The following HMGCLL1 variants were observed in gnomAD, a reference collection of about 807,000 sequenced individuals.
HMGCLL1 encodes 3-hydroxymethyl-3-methylglutaryl-CoA lyase, cytoplasmic.
Under a neutral mutation model 39.1 loss-of-function variants are expected in HMGCLL1, and 36 were observed. The observed-to-expected ratio is 0.92, with a 90% CI of 0.71 to 1.22. HMGCLL1 has a LOEUF of 1.22. HMGCLL1 is among the 50% of genes most tolerant of loss of function. The probability of loss-of-function intolerance (pLI) is 0.00; values close to 1 mark genes in which losing one functional copy is unlikely to be tolerated. For synonymous variants in HMGCLL1, 149 were observed against 144.0 expected (o/e 1.03, Z -0.25); for missense variants, 451 against 416.5 (o/e 1.08, Z -0.72).
chr6:55,485,493 G>A (rs1322328608), intron 7 of HMGCLL1, among the ~76,000 whole-genome samples: 1 of 151,858 alleles, frequency 6.6e-6, no homozygotes, highest in Non-Finnish European at 1.5e-5. Flanking sequence ...AAGTACATAT[G>A]CATTAAAACA....
At chr6:55,624,745 G>C in the HMGCLL1 span, among the ~76,000 whole-genome samples, 1 of 152,140 alleles carries the variant, frequency 6.6e-6, no homozygotes, top group African/African-American at 2.4e-5. Context: ...GTCCAGTGGT[G>C]TGGGGCCTGT....
chr6:55,591,896 A>G, the HMGCLL1 span, among the ~76,000 whole-genome samples: 12 of 152,146 alleles, frequency 7.9e-5, no homozygotes, highest in African/African-American at 2.4e-4. Flanking sequence ...GTATTATTCA[A>G]TGACCTATAT....
chr6:55,614,160 T>C, the HMGCLL1 span, among the ~76,000 whole-genome samples: 1 of 152,150 alleles, frequency 6.6e-6, no homozygotes, highest in Non-Finnish European at 1.5e-5. Flanking sequence ...GCATTAAAAA[T>C]GACCATAGGA....
chr6:55,661,407 G>A, the HMGCLL1 span, among the ~76,000 whole-genome samples: 1 of 151,838 alleles, frequency 6.6e-6, no homozygotes, highest in African/African-American at 2.4e-5. Context: ...TGTAAAGAAG[G>A]GGTACAGTTT....
At chr6:55,601,902 A>G in the HMGCLL1 span, among the ~76,000 whole-genome samples, 1 of 152,114 alleles carries the variant, frequency 6.6e-6, no homozygotes, top group Non-Finnish European at 1.5e-5. Flanking sequence ...TCTATTTTTT[A>G]GAAATTACTT....
At chr6:55,469,376 CATAT>C (rs1561898838) in intron 7 of HMGCLL1, among the ~76,000 whole-genome samples, 1 of 146,134 alleles carries the variant, frequency 6.8e-6, no homozygotes, top group African/African-American at 2.5e-5. Flanking sequence ...TGTACACATA[CATAT>C]ATACACATAT....
At position 55,579,183 on chromosome 6, in the gene HMGCLL1, G is replaced by A. The variant is rs1386637948; in HGVS notation, c.-128C>T. The A allele has an allele frequency of 8.5e-6, 6 of 704,204 alleles. No homozygotes were observed. The highest frequency in any genetic ancestry group is 1.5e-5 in the Non-Finnish European group (6 of 413,592). 43.6% of individuals were successfully genotyped at this position (704,204 alleles called of 1,614,324 possible). A position where few individuals can be genotyped will look rare whatever the true frequency, so the allele number is the denominator to read the frequency against. On this transcript the variant is annotated 5_prime_UTR_variant, in exon 1 of 9. Transcript: ENST00000274901. ...CGGTGCACTGGCTGTGAGGACCAGA[G>A]CTGTTCTGCGCACTGCGGCGGCGCC... is the stretch of plus-strand genomic sequence containing the variant.
chr6:55,563,789 G>C, intron 1 of HMGCLL1: 1 of 900,476 alleles, frequency 1.1e-6, no homozygotes, highest in Non-Finnish European at 1.6e-6. Context: ...CAAACAGTTT[G>C]AGAAGTTGTT....
chr6:55,562,021 A>T (rs921736795), intron 1 of HMGCLL1, among the ~76,000 whole-genome samples: 7 of 152,096 alleles, frequency 4.6e-5, no homozygotes, highest in African/African-American at 1.7e-4. Flanking sequence ...ATAATAAACC[A>T]CAGTGGTTGA....
chr6:55,545,882 C>T (rs1259881892), intron 1 of HMGCLL1, among the ~76,000 whole-genome samples: 1 of 151,970 alleles, frequency 6.6e-6, no homozygotes, highest in Non-Finnish European at 1.5e-5. Flanking sequence ...ACATAGTCAA[C>T]AAGTATGAAA....
intron 3 of HMGCLL1, among the ~76,000 whole-genome samples, chr6:55,540,314 C>A (rs528679380): frequency 6.6e-6 from 1 of 152,098 alleles, no homozygotes; most frequent in East Asian, 1.9e-4. Context: ...AATGTTTGCA[C>A]CTCCTCAAAA....
At chr6:55,475,762 A>G (rs1395222220) in intron 7 of HMGCLL1, among the ~76,000 whole-genome samples, 2 of 151,802 alleles carry the variant, frequency 1.3e-5, no homozygotes, top group South Asian at 2.1e-4. Context: ...TTCTATAGTT[A>G]GACTTATAAT....
At chr6:55,556,497 G>A (rs1035997388) in intron 1 of HMGCLL1, among the ~76,000 whole-genome samples, 3 of 152,174 alleles carry the variant, frequency 2.0e-5, no homozygotes, top group Non-Finnish European at 4.4e-5. Context: ...GTGTTAGATG[G>A]AGAAGAGTGA....
chr6:55,571,702 G>C (rs951578362), intron 1 of HMGCLL1, among the ~76,000 whole-genome samples: 17 of 151,994 alleles, frequency 1.1e-4, no homozygotes, highest in Non-Finnish European at 1.9e-4. Context: ...CCAGCTACTC[G>C]GGAGGCTGAG....
At position 55,541,794 on chromosome 6, in the gene HMGCLL1, G is replaced by T; in HGVS notation, c.232C>A (p.Leu78Ile). 2 of 1,609,060 alleles carry T rather than the reference G, an allele frequency of 1.2e-6. No individual in the cohort carries two copies. Among genetic ancestry groups the T allele is most frequent in the Non-Finnish European group, 1.7e-6 (2 of 1,177,106 alleles). Reference sequence around the variant, plus strand: ...ATTACAGACAAGCCAGTTTGGGAAAGTCGATTGATAAATTCAATTTTTATA... The same window carrying T: ...ATTACAGACAAGCCAGTTTGGGAAATTCGATTGATAAATTCAATTTTTATA... Reference protein sequence around the residue: ...TDIKIEFINRLSQTGLSVIEV... With the variant: ...TDIKIEFINRISQTGLSVIEV... Residue 78 changes from leucine (L) to isoleucine (I), a missense_variant, in exon 3 of 9, where the codon CTT becomes ATT. Transcript: ENST00000274901.
intron 1 of HMGCLL1, among the ~76,000 whole-genome samples, chr6:55,551,011 G>A (rs142095292): frequency 6.8e-6 from 1 of 146,286 alleles, no homozygotes; most frequent in Admixed American, 6.9e-5. Flanking sequence ...ATGATCCCTT[G>A]CCTAGTCTAT....
chr6:55,644,107 G>T, the HMGCLL1 span, among the ~76,000 whole-genome samples: 1 of 152,012 alleles, frequency 6.6e-6, no homozygotes, highest in Non-Finnish European at 1.5e-5. Context: ...TTTAAGTGGG[G>T]TGAGATGATT....
chr6:55,440,778 G>A (rs931746275), intron 7 of HMGCLL1, among the ~76,000 whole-genome samples: 3 of 152,106 alleles, frequency 2.0e-5, no homozygotes, highest in African/African-American at 4.8e-5. Flanking sequence ...TCTGGGCTGC[G>A]ACTTGAGAAT....
chr6:55,583,941 C>G (rs1223548637), upstream of HMGCLL1, among the ~76,000 whole-genome samples: 1 of 152,068 alleles, frequency 6.6e-6, no homozygotes, highest in Non-Finnish European at 1.5e-5. Context: ...ACCACAGAAC[C>G]AGGTGACCTT....
Sources: allele counts gnomAD v4.1 joint callset (sites outside exome capture counted in the v4.1 genomes callset), GRCh38; gene constraint gnomAD v4.1.1; transcripts MANE v1.5; gene names NCBI Gene and HGNC (gene_info 2026-07-23, HGNC 2026-07-21).